Variants in THRA observed in about 807,000 individuals in gnomAD.
THRA encodes EAR-7.
THRA carries 13 observed loss-of-function variants against 45.0 expected under a neutral mutation model. That is an observed-to-expected ratio of 0.29 (90% confidence interval 0.19 to 0.46). The LOEUF (loss-of-function observed/expected upper bound fraction) is 0.46. Ranked by LOEUF, THRA falls within the 20% of genes least tolerant of loss-of-function variation. The pLI is 1.00. For synonymous variants in THRA, 195 were observed against 214.0 expected (o/e 0.91, Z 0.78); for missense variants, 278 against 556.1 (o/e 0.50, Z 5.03).
chr17:40,087,849 C>T (rs1356490672), intron 7 of THRA, among the ~76,000 whole-genome samples: 1 of 152,194 alleles, frequency 6.6e-6, no homozygotes, highest in African/African-American at 2.4e-5. Flanking sequence ...ACCTCCGCCT[C>T]CTGAGTTCAA....
At chr17:40,086,605 T>C (rs889058492) in intron 6 of THRA, 102 bp from the exon 7 acceptor site, 5 of 1,480,952 alleles carry the variant, frequency 3.4e-6, no homozygotes, top group Non-Finnish European at 2.7e-6. Context: ...GGGCGGCCCC[T>C]CTTCCCCAAG....
Position 40,092,849 on chromosome 17 carries a change from A to T in THRA, c.*3393A>T. The T allele has an allele frequency of 1.1e-6, 1 of 878,026 alleles. No individual in the cohort carries two copies. Among genetic ancestry groups the T allele is most frequent in the East Asian group, 2.8e-5 (1 of 35,866 alleles). 54.4% of individuals were successfully genotyped at this position (878,026 alleles called of 1,614,324 possible). A position where few individuals can be genotyped will look rare whatever the true frequency, so the allele number is the denominator to read the frequency against. On this transcript the variant is annotated 3_prime_UTR_variant, in exon 9 of 9. Coordinates refer to ENST00000450525, the MANE Select transcript of THRA (RefSeq NM_199334.5). The stretch of plus-strand genomic sequence containing the variant: ...ACAGAACAAATCAGAGGGCCAGGGG[A>T]GGGTTGTGGGGGAGACAGAGTGGTT...
chr17:40,075,178 A>G (rs146472434), intron 2 of THRA, among the ~76,000 whole-genome samples: 157 of 152,162 alleles, frequency 1.0e-3, no homozygotes, highest in African/African-American at 3.7e-3. Context: ...TGTGATCTGC[A>G]TTGCCCTTGA....
intron 1 of THRA, among the ~76,000 whole-genome samples, chr17:40,066,458 G>T (rs2145040082): frequency 6.6e-6 from 1 of 152,230 alleles, no homozygotes; most frequent in South Asian, 2.1e-4. Context: ...GAGGTCAGGA[G>T]TTCAAGACCA....
intron 1 of THRA, among the ~76,000 whole-genome samples, chr17:40,070,164 C>CT (rs773422223): frequency 1.3e-5 from 2 of 152,088 alleles, no homozygotes; most frequent in Non-Finnish European, 2.9e-5. Context: ...AACCTGTCTC[C>CT]TGGGGGCCCA....
At chr17:40,087,146 G>C (rs1179541973) in intron 7 of THRA, 2 of 349,084 alleles carry the variant, frequency 5.7e-6, no homozygotes, top group Admixed American at 9.6e-5. Flanking sequence ...CACACACCTA[G>C]TACACAAACA....
At chr17:40,065,135 G>T (rs1335784550) in intron 1 of THRA, among the ~76,000 whole-genome samples, 1 of 151,960 alleles carries the variant, frequency 6.6e-6, no homozygotes, top group African/African-American at 2.4e-5. Context: ...CGAGTCATGG[G>T]CTCAAAGCAG....
In THRA at chr17:40,089,189, C is replaced by T. The variant is rs1389918539; in HGVS notation, c.983-17C>T. ...TTCGGCCAGCCCCTCGCCCCTCACG[C>T]CCCTCTTCCCTCACAGACCGCTCGG... is the stretch of plus-strand genomic sequence containing the variant. On this transcript the variant is annotated splice_polypyrimidine_tract_variant and intron_variant, in intron 8 of 8. Coordinates refer to ENST00000450525, the MANE Select transcript of THRA (RefSeq NM_199334.5). This position sits in a 1 kb window ranked among gnomAD's most constrained non-coding sequence, Gnocchi z 6.1. 1 of 1,612,488 alleles carries T rather than the reference C, an allele frequency of 6.2e-7. No individual in the cohort carries two copies. Among genetic ancestry groups the T allele is most frequent in the South Asian group, 1.1e-5 (1 of 91,020 alleles).
intron 6 of THRA, among the ~76,000 whole-genome samples, 195 bp from the exon 7 acceptor site, chr17:40,086,512 A>G (rs1598397030): frequency 6.6e-6 from 1 of 152,168 alleles, no homozygotes; most frequent in African/African-American, 2.4e-5. Flanking sequence ...TACCGTTGTT[A>G]TTATTAGCTG....
At position 40,084,685 on chromosome 17, in the gene THRA, A is replaced by G. The variant is rs1598396251; in HGVS notation, c.446A>G (p.Glu149Gly). ...EQNRERRRKE[E>G]MIRSLQQRPE... ...AACCGGGAGCGGCGGCGGAAGGAGG[A>G]GATGATCCGATCACTGCAGCAGCGA... The change falls in exon 6 of 9, where the codon GAG becomes GGG. Residue 149 changes from glutamate to glycine, a missense_variant. Physicochemically the swap from Glu to Gly is moderately conservative, Grantham distance 98. Coordinates refer to ENST00000450525, the MANE Select transcript of THRA (RefSeq NM_199334.5). The G allele has an allele frequency of 1.9e-6, 3 of 1,614,024 alleles. No homozygotes were observed. The highest frequency in any genetic ancestry group is 2.5e-6 in the Non-Finnish European group (3 of 1,180,000).
chr17:40,086,585 A>T, intron 6 of THRA, 122 bp from the exon 7 acceptor site: 1 of 1,245,516 alleles, frequency 8.0e-7, no homozygotes, highest in African/African-American at 1.5e-5. Context: ...TGGGCCTGGG[A>T]CTCAGGCACG....
intron 4 of THRA, among the ~76,000 whole-genome samples, chr17:40,083,003 T>C (rs1226931726): frequency 2.0e-4 from 30 of 148,480 alleles, no homozygotes; most frequent in Non-Finnish European, 3.7e-4. Context: ...TCTTGGCTCG[T>C]GGCAAGCTCC....
rs993149665 is a variant in THRA, at chr17:40,074,421, G to A, written c.-68G>A. On this transcript the variant is annotated 5_prime_UTR_variant, in exon 2 of 9. Transcript: ENST00000450525. The stretch of plus-strand genomic sequence containing the variant: ...GGGGTGGGTGGCCTGTGGGTGTGCC[G>A]GGGGGGCCAGTGTGCCCACCCCAGT... 24 of 1,542,472 alleles carry A rather than the reference G, an allele frequency of 1.6e-5. No individual in the cohort carries two copies. Among genetic ancestry groups the A allele is most frequent in the Middle Eastern group, 1.8e-4 (1 of 5,514 alleles).
intron 1 of THRA, among the ~76,000 whole-genome samples, chr17:40,073,200 C>T (rs909126598): frequency 6.6e-6 from 1 of 152,156 alleles, no homozygotes; most frequent in Non-Finnish European, 1.5e-5. Context: ...CCCTTTGTCC[C>T]CCTCCTACCC....
chr17:40,082,507 T>A (rs1987176054), intron 4 of THRA, among the ~76,000 whole-genome samples: 1 of 151,042 alleles, frequency 6.6e-6, no homozygotes, highest in Non-Finnish European at 1.5e-5. Context: ...GTAGCTGGGA[T>A]TACAGGGGCA....
chr17:40,071,602 G>GC (rs1406483676), intron 1 of THRA, among the ~76,000 whole-genome samples: 2 of 152,192 alleles, frequency 1.3e-5, no homozygotes, highest in African/African-American at 4.8e-5. Flanking sequence ...CCATAGCTCC[G>GC]CCCCCTCGGC....
In THRA at chr17:40,077,503, C is replaced by T; in HGVS notation, c.122-5C>T. ...TGCCTTCCTCCATCCTTTCCTTCCT[C>T]CCAGGGTATATCCCTAGTTACCTGG... On this transcript the variant is annotated splice_region_variant and splice_polypyrimidine_tract_variant and intron_variant, in intron 3 of 8. Coordinates refer to ENST00000450525, the MANE Select transcript of THRA (RefSeq NM_199334.5). The T allele has an allele frequency of 1.2e-6, 2 of 1,613,392 alleles. No individual in the cohort carries two copies. The highest frequency in any genetic ancestry group is 1.7e-6 in the Non-Finnish European group (2 of 1,179,426).
chr17:40,065,314 C>T (rs1220794253), intron 1 of THRA, among the ~76,000 whole-genome samples: 1 of 152,158 alleles, frequency 6.6e-6, no homozygotes, highest in Non-Finnish European at 1.5e-5. Context: ...TCCTGCGCCC[C>T]ACCTTGAGTC....
chr17:40,074,773 C>T (rs1986892905), intron 2 of THRA, among the ~76,000 whole-genome samples: 1 of 152,190 alleles, frequency 6.6e-6, no homozygotes, highest in Non-Finnish European at 1.5e-5. Flanking sequence ...TTACAGGGAG[C>T]ACATAAGGGG....
Sources: gnomAD v4.1 joint callset for allele counts (sites outside exome capture counted in the v4.1 genomes callset) on GRCh38, gnomAD v4.1.1 for gene constraint, Gnocchi (gnomAD v3.1) non-coding constraint, MANE v1.5 for transcripts, NCBI Gene and HGNC (gene_info 2026-07-23, HGNC 2026-07-21) for gene names.